ALMS1: variants seen among roughly 807,000 people sequenced by gnomAD.
The protein encoded by ALMS1 is ALMS1 centrosome and basal body associated protein.
In ALMS1, 271 loss-of-function variants were observed where a neutral mutation model predicts 352.2. The ratio of observed to expected loss-of-function variants is 0.77; its 90% CI spans 0.70 to 0.85. The LOEUF (loss-of-function observed/expected upper bound fraction) is 0.85, where lower values mean the gene tolerates loss of function less well. ALMS1 is among the 40% of genes least tolerant of loss of function. The probability of loss-of-function intolerance (pLI) is 0.00; values close to 1 mark genes in which losing one functional copy is unlikely to be tolerated. For missense variants in ALMS1, 5,445 were observed against 4,870.7 expected, an observed-to-expected ratio of 1.12 and a Z score of -3.51; for synonymous variants, 1,865 against 1,761.2, an observed-to-expected ratio of 1.06 and a Z score of -1.48.
intron 13 of ALMS1, among the ~76,000 whole-genome samples, chr2:73,551,532 G>A (rs930398565): frequency 6.7e-6 from 1 of 149,300 alleles, no homozygotes; most frequent in Non-Finnish European, 1.5e-5. Context: ...CACCTCCCGG[G>A]TTCAAGCGAT....
At position 73,550,257 on chromosome 2, in the gene ALMS1, T is replaced by A. The variant is rs1455302493; in HGVS notation, c.9908-10T>A. ...TTTGTGTTTTGTATTACTTCCCCGT[T>A]TTTCTGTAGGATCCAATGATGCCAT... On this transcript the variant is annotated splice_polypyrimidine_tract_variant and intron_variant, in intron 12 of 22. Coordinates refer to ENST00000613296, the MANE Select transcript of ALMS1 (RefSeq NM_001378454.1). The A allele has an allele frequency of 6.2e-7, 1 of 1,613,842 alleles. No homozygotes were observed. Among genetic ancestry groups the A allele is most frequent in the African/African-American group, 1.3e-5 (1 of 74,938 alleles).
At chr2:73,520,140 T>G in intron 11 of ALMS1, 124 bp downstream of exon 11, 1 of 1,200,848 alleles carries the variant, frequency 8.3e-7, no homozygotes, top group South Asian at 1.3e-5. Context: ...AGGGTCCATA[T>G]GATTATATCT....
chr2:73,434,569 T>G (rs1671570978), intron 7 of ALMS1, among the ~76,000 whole-genome samples: 1 of 152,164 alleles, frequency 6.6e-6, no homozygotes, highest in Non-Finnish European at 1.5e-5. Flanking sequence ...TGTTGTTAGG[T>G]GGTGTGTTCT....
intron 6 of ALMS1, among the ~76,000 whole-genome samples, chr2:73,426,915 G>A (rs868705910): frequency 2.0e-5 from 3 of 152,308 alleles, no homozygotes; most frequent in African/African-American, 4.8e-5. Context: ...ATATCCTTCA[G>A]TACCAGCTTG....
At chr2:73,480,750 T>A (rs1275656278) in intron 9 of ALMS1, among the ~76,000 whole-genome samples, 24 of 151,084 alleles carry the variant, frequency 1.6e-4, no homozygotes, top group African/African-American at 5.4e-4. Context: ...GTTTCCTGAC[T>A]TTTTAATGAT....
intron 12 of ALMS1, among the ~76,000 whole-genome samples, chr2:73,546,655 G>A (rs906805492): frequency 6.6e-6 from 1 of 152,200 alleles, no homozygotes; most frequent in African/African-American, 2.4e-5. Flanking sequence ...TCTTTTCCAG[G>A]AAGAAACTTT....
intron 6 of ALMS1, among the ~76,000 whole-genome samples, chr2:73,427,641 C>T (rs1364590688): frequency 2.0e-5 from 3 of 152,088 alleles, no homozygotes; most frequent in South Asian, 2.1e-4. Context: ...TCCCCTAACC[C>T]CCTACCCCGC....
At chr2:73,402,072 G>A (rs1484350440) in intron 1 of ALMS1, among the ~76,000 whole-genome samples, 4 of 151,604 alleles carry the variant, frequency 2.6e-5, no homozygotes, top group Non-Finnish European at 5.9e-5. Context: ...ATGTGTGTGT[G>A]TCTTGTAGTT....
chr2:73,443,861 G>A (rs1241132352), intron 7 of ALMS1, among the ~76,000 whole-genome samples: 1 of 152,126 alleles, frequency 6.6e-6, no homozygotes, highest in Non-Finnish European at 1.5e-5. Flanking sequence ...CTATATGTCA[G>A]TTGTAATGAA....
chr2:73,465,645 A>C (rs1052563980), intron 9 of ALMS1, among the ~76,000 whole-genome samples: 1 of 152,110 alleles, frequency 6.6e-6, no homozygotes, highest in Non-Finnish European at 1.5e-5. Flanking sequence ...AATGGGATCT[A>C]ATTAAACTAA....
rs200821435 is a variant in ALMS1 at position 73,419,333 on chromosome 2, T to G, written c.646+15T>G. On this transcript the variant is annotated intron_variant, in intron 3 of 22. Coordinates refer to ENST00000613296, the MANE Select transcript of ALMS1 (RefSeq NM_001378454.1). ...TCCACTGCTAGGTAATGCCTGTTTA[T>G]TTTAACTAGTAGTAATACCTCACAT... is the stretch of plus-strand genomic sequence containing the variant. The G allele has an allele frequency of 9.9e-5, 159 of 1,608,462 alleles. No homozygotes were observed. The highest frequency in any genetic ancestry group is 8.5e-6 in the Non-Finnish European group (10 of 1,174,954).
Position 73,449,226 on chromosome 2 carries a change from T to A in ALMS1, c.2699T>A (p.Ile900Lys), listed in dbSNP as rs1192575755. 6.2e-7 allele frequency: 1 copy of A among 1,614,032 alleles called. No homozygotes were observed. Among genetic ancestry groups the A allele is most frequent in the East Asian group, 2.2e-5 (1 of 44,860 alleles). The change falls in exon 8 of 23, where the codon ATA (isoleucine) becomes AAA (lysine). Residue 900 changes from isoleucine (I) to lysine (K), a missense_variant. Ile to Lys is a moderately radical substitution (Grantham distance 102). Transcript: ENST00000613296. ...GGACCAGGTGATCAGAAGACTGGGA[T>A]ACCCTCAGCACCATCTAGTTTCTAC... ...VPGPGDQKTG[I>K]PSAPSSFYSH... is the part of the protein sequence containing the mutation.
chr2:73,400,283 G>A (rs966489972), intron 1 of ALMS1, among the ~76,000 whole-genome samples: 2 of 152,150 alleles, frequency 1.3e-5, no homozygotes, highest in Non-Finnish European at 2.9e-5. Context: ...GTTTGCGTAC[G>A]TGGGATAAAC....
rs139095997 is a variant in ALMS1 at position 73,508,091 on chromosome 2, GTTTTC to G, written c.9540-11677_9540-11673del. 2.0e-5 allele frequency among the ~76,000 whole-genome samples: 3 copies of G among 151,414 alleles called. No homozygotes were observed. In the East Asian group the frequency reaches 5.8e-4, roughly 29 times the overall value. The stretch of plus-strand genomic sequence containing the variant: ...TTTCCATGTAGTTGTGCGGTTTTGA[GTTTTC>G]TTTTCTCTTTTCTTTTCTCTTTTCT... On this transcript the variant is annotated intron_variant, in intron 10 of 22. Transcript: ENST00000613296.
rs1166627237 is a variant in ALMS1, at chr2:73,424,806, G to A, written c.1141G>A (p.Ala381Thr). 6.8e-6 allele frequency: 11 copies of A among 1,611,110 alleles called. No individual in the cohort carries two copies. Among genetic ancestry groups the A allele is most frequent in the African/African-American group, 1.3e-5 (1 of 74,804 alleles). Residue 381 changes from alanine to threonine, a missense_variant, in exon 5 of 23, where the codon GCT (alanine) becomes ACT (threonine). By Grantham distance (58) the Ala-to-Thr change is moderately conservative. Coordinates refer to ENST00000613296, the MANE Select transcript of ALMS1 (RefSeq NM_001378454.1). ...ATTTGACATAACTGATGAAAACATAGCTACTAAAAGAAGTGACCATTTTGA... is the reference window on the plus strand; with the variant it reads ...ATTTGACATAACTGATGAAAACATAACTACTAAAAGAAGTGACCATTTTGA... ...TSFDITDENI[A>T]TKRSDHFDAA...
chr2:73,397,385 C>CT (rs575226968), intron 1 of ALMS1, among the ~76,000 whole-genome samples: 5,485 of 145,240 alleles, frequency 0.038, 304 homozygotes, highest in African/African-American at 0.12. Context: ...GTTTGTTCAG[C>CT]TTTTTTTTTT....
At chr2:73,504,597 T>G (rs1673283014) in intron 10 of ALMS1, among the ~76,000 whole-genome samples, 1 of 152,246 alleles carries the variant, frequency 6.6e-6, no homozygotes, top group African/African-American at 2.4e-5. Context: ...ATTCAACTTG[T>G]GTGTATCAGT....
chr2:73,462,449 G>A (rs1345712009), intron 9 of ALMS1, among the ~76,000 whole-genome samples: 4 of 152,180 alleles, frequency 2.6e-5, no homozygotes, highest in Non-Finnish European at 5.9e-5. Flanking sequence ...AAGAGCTCCT[G>A]AAGGAAGCGC....
intron 1 of ALMS1, among the ~76,000 whole-genome samples, chr2:73,403,691 T>A (rs1052289152): frequency 3.0e-4 from 45 of 152,194 alleles, no homozygotes; most frequent in African/African-American, 9.9e-4. Flanking sequence ...ATTTGTGTCC[T>A]TAATTTCTTT....
Sources: allele counts gnomAD v4.1 joint callset (sites outside exome capture counted in the v4.1 genomes callset), GRCh38; gene constraint gnomAD v4.1.1; transcripts MANE v1.5; gene names NCBI Gene and HGNC (gene_info 2026-07-23, HGNC 2026-07-21).